Variants in EPHA6 observed in about 807,000 individuals in gnomAD.
EPHA6 encodes ephrin type-A receptor 6.
In EPHA6, 50 loss-of-function variants were observed where a neutral mutation model predicts 112.0. The ratio of observed to expected loss-of-function variants is 0.45; its 90% CI spans 0.36 to 0.56. The LOEUF (loss-of-function observed/expected upper bound fraction) is 0.56, where lower values mean the gene tolerates loss of function less well. EPHA6 is among the 20% of genes least tolerant of loss of function. The pLI, the probability that EPHA6 is intolerant of heterozygous loss-of-function variation, is 0.00. For synonymous variants in EPHA6, 529 were observed against 490.7 expected (o/e 1.08, Z -1.03); for missense variants, 1,280 against 1,417.4 (o/e 0.90, Z 1.56).
At chr3:97,590,458 A>T (rs1316369126) in intron 11 of EPHA6, among the ~76,000 whole-genome samples, 3 of 152,318 alleles carry the variant, frequency 2.0e-5, no homozygotes, top group African/African-American at 7.2e-5. Context: ...ATCTTTTATG[A>T]GTTGACAGTT....
chr3:96,816,427 T>A (rs773643600), intron 1 of EPHA6, among the ~76,000 whole-genome samples: 2 of 152,162 alleles, frequency 1.3e-5, no homozygotes, highest in Non-Finnish European at 2.9e-5. Context: ...TTTCAAAGAC[T>A]GTGGGTATAA....
intron 5 of EPHA6, among the ~76,000 whole-genome samples, chr3:97,325,305 T>C (rs1418024144): frequency 1.3e-5 from 2 of 152,162 alleles, no homozygotes; most frequent in Admixed American, 1.3e-4. Flanking sequence ...TGAGCAAGTT[T>C]GGTTTCCTCT....
At chr3:97,208,575 G>A (rs7629311) in intron 3 of EPHA6, among the ~76,000 whole-genome samples, 1,987 of 151,914 alleles carry the variant, frequency 0.013, 48 homozygotes, top group African/African-American at 0.044. Context: ...GTGAAACCCC[G>A]TCTCTACTAA....
chr3:97,511,379 G>A (rs2092362123), intron 10 of EPHA6, among the ~76,000 whole-genome samples: 1 of 152,294 alleles, frequency 6.6e-6, no homozygotes. Flanking sequence ...TGTCTGGGAT[G>A]CAATGCACTG....
intron 5 of EPHA6, among the ~76,000 whole-genome samples, chr3:97,404,880 C>G (rs2087236088): frequency 6.6e-6 from 1 of 152,086 alleles, no homozygotes; most frequent in Non-Finnish European, 1.5e-5. Context: ...AAAATATCCT[C>G]CCCTAATAAT....
Position 97,272,475 on chromosome 3 carries a change from G to A in EPHA6, c.1606+28188G>A, listed in dbSNP as rs1026096430. On this transcript the variant is annotated intron_variant, in intron 5 of 17. Coordinates refer to ENST00000389672, the MANE Select transcript of EPHA6 (RefSeq NM_001080448.3). ...CGAGATGATATTTTCACTTGCGTCC[G>A]TGTGAAGAGACCACCAAACAGGCTT... 3.9e-4 allele frequency among the ~76,000 whole-genome samples: 60 copies of A among 152,226 alleles called. 1 individual carries two copies. Among genetic ancestry groups the A allele is most frequent in the South Asian group, 1.2e-3 (6 of 4,814 alleles).
chr3:97,667,420 T>C (rs2030259569), intron 14 of EPHA6, among the ~76,000 whole-genome samples: 1 of 152,204 alleles, frequency 6.6e-6, no homozygotes, highest in South Asian at 2.1e-4. Context: ...TCTGATGCTC[T>C]ATAATTTGAT....
intron 11 of EPHA6, among the ~76,000 whole-genome samples, chr3:97,554,334 A>G (rs372903378): frequency 6.6e-6 from 1 of 151,944 alleles, no homozygotes; most frequent in African/African-American, 2.4e-5. Context: ...TAAATTTTCC[A>G]TAAAGGTTTG....
intron 4 of EPHA6, among the ~76,000 whole-genome samples, chr3:97,242,730 G>C (rs933918116): frequency 2.6e-5 from 4 of 151,740 alleles, no homozygotes; most frequent in African/African-American, 7.3e-5. Context: ...TTATTTCTAG[G>C]AGCGAATGCT....
chr3:96,914,203 A>G (rs1576016860), intron 2 of EPHA6, among the ~76,000 whole-genome samples: 1 of 152,278 alleles, frequency 6.6e-6, no homozygotes, highest in East Asian at 1.9e-4. Flanking sequence ...TTTGTTAACA[A>G]TGATAAAACA....
At chr3:97,684,086 T>C (rs1560263571) in intron 14 of EPHA6, among the ~76,000 whole-genome samples, 1 of 152,152 alleles carries the variant, frequency 6.6e-6, no homozygotes, top group African/African-American at 2.4e-5. Context: ...TCCCTTTAGG[T>C]ACTGCTTGTT....
chr3:96,930,396 G>C (rs2040251291), intron 2 of EPHA6, among the ~76,000 whole-genome samples: 3 of 152,098 alleles, frequency 2.0e-5, no homozygotes. Context: ...GGGGTCTTTT[G>C]TGTTGATGTT....
At chr3:97,608,242 G>A (rs144832187) in intron 12 of EPHA6, among the ~76,000 whole-genome samples, 1 of 151,224 alleles carries the variant, frequency 6.6e-6, no homozygotes, top group African/African-American at 2.4e-5. Flanking sequence ...TTAATGAGAA[G>A]ATAGAACTTG....
At chr3:96,946,312 A>G (rs1452872446) in intron 2 of EPHA6, among the ~76,000 whole-genome samples, 2 of 150,448 alleles carry the variant, frequency 1.3e-5, no homozygotes, top group African/African-American at 5.0e-5. Context: ...TCCTAATGCT[A>G]TCCCTCCCCC....
At chr3:96,855,599 T>C (rs1283436392) in intron 1 of EPHA6, among the ~76,000 whole-genome samples, 4 of 151,874 alleles carry the variant, frequency 2.6e-5, no homozygotes, top group Non-Finnish European at 5.9e-5. Flanking sequence ...TAGAGGGAAA[T>C]TTATGCTGGA....
At chr3:97,524,580 TTCCA>T (rs2092592525) in intron 10 of EPHA6, among the ~76,000 whole-genome samples, 2 of 152,252 alleles carry the variant, frequency 1.3e-5, no homozygotes, top group Admixed American at 1.3e-4. Flanking sequence ...AGCTTTATAC[TTCCA>T]TATGTTTTTA....
chr3:97,151,748 T>C (rs567432205), intron 3 of EPHA6, among the ~76,000 whole-genome samples: 1 of 152,240 alleles, frequency 6.6e-6, no homozygotes, highest in Non-Finnish European at 1.5e-5. Context: ...GAAAATTTAA[T>C]GTGAAAAATA....
At chr3:96,848,619 C>T (rs930716036) in intron 1 of EPHA6, among the ~76,000 whole-genome samples, 3 of 151,060 alleles carry the variant, frequency 2.0e-5, no homozygotes, top group African/African-American at 4.8e-5. Flanking sequence ...AGTGAGACTC[C>T]GTCTATTTAA....
chr3:97,293,503 G>C (rs1171943020), intron 5 of EPHA6, among the ~76,000 whole-genome samples: 1 of 152,204 alleles, frequency 6.6e-6, no homozygotes, highest in Admixed American at 6.5e-5. Context: ...CTACAGGCAG[G>C]TCACCCCAAA....
Sources: allele counts gnomAD v4.1 joint callset (sites outside exome capture counted in the v4.1 genomes callset), GRCh38; gene constraint gnomAD v4.1.1; transcripts MANE v1.5; gene names NCBI Gene and HGNC (gene_info 2026-07-23, HGNC 2026-07-21).